Variants in CDKL3 observed in about 807,000 individuals in gnomAD.
The protein encoded by CDKL3 is cyclin-dependent kinase-like 3.
CDKL3 carries 65 observed loss-of-function variants against 69.3 expected under a neutral mutation model. That is an observed-to-expected ratio of 0.94 (90% CI 0.77 to 1.15). The LOEUF is 1.15. Among genes scored for constraint, CDKL3 ranks in the 50% most tolerant of loss-of-function variants. CDKL3 has a pLI of 0.00. For synonymous variants in CDKL3, 202 were observed against 221.6 expected (o/e 0.91, Z 0.79); for missense variants, 652 against 689.2 (o/e 0.95, Z 0.61).
upstream of CDKL3, among the ~76,000 whole-genome samples, chr5:134,370,316 G>A (rs1404053097): frequency 2.6e-5 from 4 of 152,192 alleles, no homozygotes; most frequent in African/African-American, 9.7e-5. Context: ...AAATATTCAA[G>A]GTCTTTGGGA....
In CDKL3 at chr5:134,350,782, C is replaced by A. The variant is rs1753052447; in HGVS notation, c.361-355G>T. The stretch of plus-strand genomic sequence containing the variant: ...ATCACTTGAGGCCAGGAGTTTGAGA[C>A]CAGCCTGGGTAACAGAGTGAGACCC... On this transcript the variant is annotated intron_variant, in intron 3 of 12. Coordinates refer to ENST00000265334, the MANE Select transcript of CDKL3 (RefSeq NM_001113575.2). 2.1e-5 allele frequency among the ~76,000 whole-genome samples: 3 copies of A among 145,930 alleles called. 1 individual carries two copies. The highest frequency in any genetic ancestry group is 6.9e-3 in the Middle Eastern group (2 of 288).
intron 4 of CDKL3, among the ~76,000 whole-genome samples, chr5:134,339,098 G>C (rs927119196): frequency 1.3e-5 from 2 of 151,960 alleles, no homozygotes; most frequent in Non-Finnish European, 2.9e-5. Context: ...AAGTTGTAGT[G>C]AGGTAGTGAG....
At chr5:134,364,741 G>C (rs926018338) in intron 2 of CDKL3, among the ~76,000 whole-genome samples, 2 of 151,976 alleles carry the variant, frequency 1.3e-5, no homozygotes, top group East Asian at 3.9e-4. Context: ...TCGAACTCCT[G>C]ACCTCAGGTG....
intron 4 of CDKL3, among the ~76,000 whole-genome samples, chr5:134,323,247 A>G (rs919795059): frequency 3.9e-5 from 6 of 152,210 alleles, no homozygotes; most frequent in African/African-American, 9.6e-5. Context: ...ACACATATGT[A>G]AATTAGCCAA....
intron 12 of CDKL3, among the ~76,000 whole-genome samples, chr5:134,300,759 C>G (rs1429962892): frequency 6.6e-6 from 1 of 152,006 alleles, no homozygotes; most frequent in African/African-American, 2.4e-5. Flanking sequence ...CTGCAGAGTT[C>G]CTTTTTTCCT....
intron 7 of CDKL3, among the ~76,000 whole-genome samples, chr5:134,309,083 G>A (rs1768679468): frequency 6.6e-6 from 1 of 152,016 alleles, no homozygotes; most frequent in Non-Finnish European, 1.5e-5. Context: ...GACCTTTTCT[G>A]TGGTTCTTCT....
downstream of CDKL3, chr5:134,298,334 C>A: frequency 1.9e-6 from 2 of 1,059,948 alleles, no homozygotes; most frequent in Non-Finnish European, 2.3e-6. Flanking sequence ...TATGTGGCTA[C>A]AAGAAGGCAG....
At position 134,325,621 on chromosome 5, in the gene CDKL3, C is replaced by T. The variant is rs1773952874; in HGVS notation, c.540-3718G>A. The stretch of plus-strand genomic sequence containing the variant: ...CTCCACTTACACTGGTATTTACTGT[C>T]TTTTTTTCAATTTAACCATTCTGGT... On this transcript the variant is annotated intron_variant, in intron 4 of 12. Transcript: ENST00000265334. Among the ~76,000 whole-genome samples the T allele has an allele frequency of 5.3e-5, 8 of 152,034 alleles. No homozygotes were observed. In the South Asian group the frequency reaches 1.7e-3, roughly 32 times the overall value.
At chr5:134,326,858 T>TG (rs1774488960) in intron 4 of CDKL3, among the ~76,000 whole-genome samples, 1 of 95,476 alleles carries the variant, frequency 1.0e-5, no homozygotes, top group Non-Finnish European at 1.9e-5. Flanking sequence ...TATATATATA[T>TG]ATATATATAC....
rs1768439875 is a variant in CDKL3, at chr5:134,308,290, T to C, written c.1212A>G (p.Glu404=). 6.2e-7 allele frequency: 1 copy of C among 1,613,816 alleles called. No homozygotes were observed. Among genetic ancestry groups the C allele is most frequent in the South Asian group, 1.1e-5 (1 of 91,084 alleles). Residue 404 remains glutamate, a synonymous_variant, in exon 9 of 13, where the codon GAA becomes GAG. Coordinates refer to ENST00000265334, the MANE Select transcript of CDKL3 (RefSeq NM_001113575.2). ...TGCTGGGATTGATAGGGTTTGGTGG[T>C]TCAATGGTTACAAGTTTTGTATCTG... ...MSPDTKLVTI[E]PPNPINPSTN...
At chr5:134,336,636 C>T (rs1237106278) in intron 4 of CDKL3, among the ~76,000 whole-genome samples, 1 of 152,178 alleles carries the variant, frequency 6.6e-6, no homozygotes, top group Non-Finnish European at 1.5e-5. Flanking sequence ...ATCCTATTTG[C>T]CTGGGTATCA....
At chr5:134,341,532 G>C (rs1750489722) in intron 4 of CDKL3, among the ~76,000 whole-genome samples, 1 of 152,230 alleles carries the variant, frequency 6.6e-6, no homozygotes, top group African/African-American at 2.4e-5. Flanking sequence ...CAGGCAGTGA[G>C]GGTACGGGAT....
rs141613607 is a variant in CDKL3 at position 134,340,047 on chromosome 5, G to A, written c.539+10202C>T. On this transcript the variant is annotated intron_variant, in intron 4 of 12. Transcript: ENST00000265334. ...CACACACCTGTAGTCTCAGCTACTC[G>A]GGAGGCTGAGGTGGGAGGATCACTT... is the stretch of plus-strand genomic sequence containing the variant. Among the ~76,000 whole-genome samples the A allele has an allele frequency of 3.7e-4, 56 of 152,188 alleles. 1 individual carries two copies. In the East Asian group the frequency reaches 8.7e-3, roughly 24 times the overall value.
chr5:134,344,281 G>T (rs1751262780), intron 4 of CDKL3, among the ~76,000 whole-genome samples: 1 of 152,130 alleles, frequency 6.6e-6, no homozygotes, highest in African/African-American at 2.4e-5. Flanking sequence ...GGCAACAAAA[G>T]AAACAGATAA....
intron 3 of CDKL3, among the ~76,000 whole-genome samples, chr5:134,351,491 G>A (rs1156714337): frequency 6.6e-6 from 1 of 152,138 alleles, no homozygotes; most frequent in East Asian, 1.9e-4. Flanking sequence ...AAAGCTCACT[G>A]CAGCCTCAAA....
At chr5:134,287,009 A>G (rs326606) in intron 8 of CDKL3, among the ~76,000 whole-genome samples, 21,339 of 152,170 alleles carry the variant, frequency 0.14, 1,822 homozygotes, top group African/African-American at 0.23. Flanking sequence ...TAGCCAAGCT[A>G]TAAGAGTAAC....
At chr5:134,321,355 G>T (rs1194393447) in intron 5 of CDKL3, among the ~76,000 whole-genome samples, 1 of 152,070 alleles carries the variant, frequency 6.6e-6, no homozygotes, top group African/African-American at 2.4e-5. Context: ...CTATCTGGCT[G>T]TCTATTATTG....
intron 2 of CDKL3, among the ~76,000 whole-genome samples, chr5:134,364,973 A>C (rs966914493): frequency 7.5e-6 from 1 of 134,016 alleles, no homozygotes; most frequent in African/African-American, 2.8e-5. Flanking sequence ...TGCCTGGCTA[A>C]TTTTTTTTTT....
intron 8 of CDKL3, among the ~76,000 whole-genome samples, chr5:134,293,406 A>T (rs1165601505): frequency 6.6e-6 from 1 of 152,174 alleles, no homozygotes. Flanking sequence ...GCTGGGGGGC[A>T]GGAGAATACT....
Sources: allele counts gnomAD v4.1 joint callset (sites outside exome capture counted in the v4.1 genomes callset), GRCh38; gene constraint gnomAD v4.1.1; transcripts MANE v1.5; gene names NCBI Gene and HGNC (gene_info 2026-07-23, HGNC 2026-07-21).